The following HOMER1 variants were observed in gnomAD, a reference collection of about 807,000 sequenced individuals.
HOMER1 encodes homer protein homolog 1.
In HOMER1, 3 loss-of-function variants were observed where a neutral mutation model predicts 48.9. The ratio of observed to expected loss-of-function variants is 0.06; its 90% CI spans 0.03 to 0.16. HOMER1 has a LOEUF of 0.16. HOMER1 is among the 10% of genes least tolerant of loss of function. The pLI, the probability that HOMER1 is intolerant of heterozygous loss-of-function variation, is 1.00. For missense variants in HOMER1, 247 were observed against 411.4 expected (o/e 0.60, Z 3.46); for synonymous variants, 134 against 146.4 (o/e 0.92, Z 0.61).
chr5:79,452,632 A>G (rs986388482), intron 2 of HOMER1, among the ~76,000 whole-genome samples: 1 of 152,152 alleles, frequency 6.6e-6, no homozygotes, highest in Non-Finnish European at 1.5e-5. Context: ...AATATTTAAG[A>G]GCTATGCAGG....
chr5:79,513,518 C>G lies in HOMER1; in HGVS notation c.-744G>C, dbSNP rs1753001785. 1.3e-5 allele frequency: 2 copies of G among 152,598 alleles called. No homozygotes were observed. Among genetic ancestry groups the G allele is most frequent in the African/African-American group, 2.4e-5 (1 of 41,464 alleles). The allele number at this position is 152,598 out of a possible 1,614,324, so 9.5% of individuals were successfully genotyped here. ...GAGCCATTTCCAGGCTGGCAGCAGG[C>G]TGGGGGCGCAGCGCACGCCGGAGAG... On this transcript the variant is annotated 5_prime_UTR_variant, in exon 1 of 9. Coordinates refer to ENST00000334082, the MANE Select transcript of HOMER1 (RefSeq NM_004272.5).
chr5:79,477,242 G>C (rs541770359), intron 1 of HOMER1, among the ~76,000 whole-genome samples: 1 of 152,336 alleles, frequency 6.6e-6, no homozygotes, highest in South Asian at 2.1e-4. Flanking sequence ...CCTCCAAGCT[G>C]ACGTTAAGAA....
At chr5:79,427,740 TTTCC>T (rs1349301929) in intron 5 of HOMER1, among the ~76,000 whole-genome samples, 11 of 132,396 alleles carry the variant, frequency 8.3e-5, no homozygotes, top group South Asian at 2.6e-4. Context: ...CCTTCCTTCC[TTTCC>T]TTCCTTCCTT....
intron 5 of HOMER1, among the ~76,000 whole-genome samples, 158 bp downstream of exon 5, chr5:79,438,852 C>T (rs1684667635): frequency 1.4e-5 from 2 of 142,274 alleles, no homozygotes. Flanking sequence ...TTGTGTATTT[C>T]ATTTCTGAGG....
rs549203109 is a variant in HOMER1 at position 79,458,991 on chromosome 5, C to T, written c.6-1973G>A. Among the ~76,000 whole-genome samples, 55 of 152,262 alleles carry T rather than the reference C, an allele frequency of 3.6e-4. No homozygotes were observed. The South Asian group carries it at 0.011, about 32-fold the overall frequency. ...AGTCTGAGGTAAAAGTATTGTTGGT[C>T]AGGCTGGGAGTGGCTAGTTACAAGT... On this transcript the variant is annotated intron_variant, in intron 1 of 8. Transcript: ENST00000334082.
At position 79,373,517 on chromosome 5, in the gene HOMER1, A is replaced by G. The variant is rs1166361908; in HGVS notation, c.*2492T>C. On this transcript the variant is annotated 3_prime_UTR_variant, in exon 9 of 9. Transcript: ENST00000334082. ...TGTCTCTGGGAAAAATCAAATTTTA[A>G]TATGCAAATGTTTATATAATACAGA... The G allele has an allele frequency of 6.6e-6, 1 of 151,892 alleles. No individual in the cohort carries two copies. Among genetic ancestry groups the G allele is most frequent in the Non-Finnish European group, 1.5e-5 (1 of 67,880 alleles). 9.4% of individuals were successfully genotyped at this position (151,892 alleles called of 1,614,324 possible). A position where few individuals can be genotyped will look rare whatever the true frequency, so the allele number is the denominator to read the frequency against.
intron 8 of HOMER1, among the ~76,000 whole-genome samples, chr5:79,384,378 A>G (rs781012716): frequency 2.0e-5 from 3 of 152,144 alleles, no homozygotes; most frequent in Non-Finnish European, 4.4e-5. Context: ...TATGAGGTAT[A>G]CATGAACAAA....
intron 5 of HOMER1, among the ~76,000 whole-genome samples, chr5:79,434,454 T>C (rs1346047867): frequency 1.3e-5 from 2 of 152,114 alleles, no homozygotes; most frequent in African/African-American, 4.8e-5. Flanking sequence ...TGCCAGCCTA[T>C]TAGTATATAG....
rs1274196833 is a variant in HOMER1 at position 79,478,813 on chromosome 5, A to G, written c.6-21795T>C. Among the ~76,000 whole-genome samples, 4 of 152,194 alleles carry G rather than the reference A, an allele frequency of 2.6e-5. No homozygotes were observed. The East Asian group carries it at 7.7e-4, about 29-fold the overall frequency. On this transcript the variant is annotated intron_variant, in intron 1 of 8. Coordinates refer to ENST00000334082, the MANE Select transcript of HOMER1 (RefSeq NM_004272.5). ...CTAAAAATACAAAAATTAGCCGGGT[A>G]TGATGGTGGGTGCCTGTAATCCCAG...
intron 3 of HOMER1, among the ~76,000 whole-genome samples, chr5:79,448,386 A>C (rs1363185890): frequency 6.6e-6 from 1 of 151,014 alleles, no homozygotes; most frequent in Non-Finnish European, 1.5e-5. Flanking sequence ...ACTTCGTAAA[A>C]ATCTACACTA....
At chr5:79,507,711 G>GAA (rs139514104) in intron 1 of HOMER1, among the ~76,000 whole-genome samples, 3 of 145,932 alleles carry the variant, frequency 2.1e-5, no homozygotes, top group East Asian at 4.0e-4. Context: ...ACTAAAGACT[G>GAA]AAAAAAAAAA....
chr5:79,513,082 G>C lies in HOMER1; in HGVS notation c.-308C>G, dbSNP rs1752986230. 9.5e-6 allele frequency: 4 copies of C among 421,732 alleles called. No homozygotes were observed. Among genetic ancestry groups the C allele is most frequent in the Non-Finnish European group, 1.7e-5 (4 of 235,776 alleles). 26.1% of individuals were successfully genotyped at this position (421,732 alleles called of 1,614,324 possible). A position where few individuals can be genotyped will look rare whatever the true frequency, so the allele number is the denominator to read the frequency against. On this transcript the variant is annotated 5_prime_UTR_variant, in exon 1 of 9. Coordinates refer to ENST00000334082, the MANE Select transcript of HOMER1 (RefSeq NM_004272.5). Reference sequence around the variant, plus strand: ...TACAAGTAGGGAAATGCAGAATCCGGCTTCACCGAGTCCTATAAAAAATGA... The same window carrying C: ...TACAAGTAGGGAAATGCAGAATCCGCCTTCACCGAGTCCTATAAAAAATGA...
chr5:79,387,091 C>T (rs1749136830), intron 8 of HOMER1, among the ~76,000 whole-genome samples: 1 of 140,654 alleles, frequency 7.1e-6, no homozygotes, highest in South Asian at 2.2e-4. Flanking sequence ...CTCTCTCTCT[C>T]TCTCTCTCTT....
chr5:79,506,941 C>T (rs536354649), intron 1 of HOMER1, among the ~76,000 whole-genome samples: 87 of 152,040 alleles, frequency 5.7e-4, no homozygotes, highest in African/African-American at 2.0e-3. Flanking sequence ...TGGCAGGGCG[C>T]GGTGGCTCAT....
intron 4 of HOMER1, 113 bp downstream of exon 4, chr5:79,446,940 C>A: frequency 3.0e-6 from 2 of 664,016 alleles, no homozygotes; most frequent in South Asian, 3.7e-5. Flanking sequence ...AGGTGTGAGC[C>A]ACCACACTAA....
chr5:79,480,868 T>C (rs1416194150), intron 1 of HOMER1, among the ~76,000 whole-genome samples: 1 of 152,190 alleles, frequency 6.6e-6, no homozygotes, highest in Non-Finnish European at 1.5e-5. Flanking sequence ...CCTTGTCAAA[T>C]TAATGGTCTA....
At chr5:79,429,633 CAT>C (rs1158888491) in intron 5 of HOMER1, among the ~76,000 whole-genome samples, 2 of 152,136 alleles carry the variant, frequency 1.3e-5, no homozygotes, top group Non-Finnish European at 1.5e-5. Flanking sequence ...CAGAAGAAAA[CAT>C]GTGTTAATCA....
In HOMER1 at chr5:79,376,043, C is replaced by T; in HGVS notation, c.1031G>A (p.Arg344Gln). 5.6e-6 allele frequency: 9 copies of T among 1,611,772 alleles called. No individual in the cohort carries two copies. The highest frequency in any genetic ancestry group is 7.6e-6 in the Non-Finnish European group (9 of 1,179,114). ...TTCTAGTAGCTTGGCCAAGTTATCT[C>T]GTAATTCTGTTAGTTCAAATATCTT... ...DGKIFELTEL[R>Q]DNLAKLLECS The change falls in exon 9 of 9, where the codon CGA becomes CAA. Residue 344 changes from arginine to glutamine, a missense_variant. This residue lies in a region of HOMER1 where 113 missense variants were observed against 152.5 expected (regional missense o/e 0.74). Coordinates refer to ENST00000334082, the MANE Select transcript of HOMER1 (RefSeq NM_004272.5).
At chr5:79,463,373 G>A (rs2112311992) in intron 1 of HOMER1, among the ~76,000 whole-genome samples, 1 of 152,320 alleles carries the variant, frequency 6.6e-6, no homozygotes. Context: ...GAAACGGTAT[G>A]TTTGCATGTG....
Sources: gnomAD v4.1 joint callset for allele counts (sites outside exome capture counted in the v4.1 genomes callset) on GRCh38, gnomAD v4.1.1 for gene constraint, gnomAD v4.1.1 regional missense constraint, MANE v1.5 for transcripts, NCBI Gene and HGNC (gene_info 2026-07-23, HGNC 2026-07-21) for gene names.